Variants in POM121 observed in about 807,000 individuals in gnomAD.
The protein encoded by POM121 is POM121 transmembrane nucleoporin, also known as nuclear envelope pore membrane protein POM 121.
Under a neutral mutation model 81.3 loss-of-function variants are expected in POM121, and 32 were observed. That is an observed-to-expected ratio of 0.39 (90% confidence interval 0.30 to 0.53). The LOEUF (loss-of-function observed/expected upper bound fraction) is 0.53, where lower values mean the gene tolerates loss of function less well. Among genes scored for constraint, POM121 ranks in the 20% least tolerant of loss-of-function variants. The pLI is 0.66. For missense variants in POM121, 1,138 were observed against 1,614.6 expected (o/e 0.70, Z 5.06); for synonymous variants, 514 against 694.2 (o/e 0.74, Z 4.08).
At chr7:72,926,553 A>G (rs1554497541) in intron 2 of POM121, 76 bp downstream of exon 2, 1 of 1,592,966 alleles carries the variant, frequency 6.3e-7, no homozygotes, top group African/African-American at 1.3e-5. Flanking sequence ...CTATGACATG[A>G]CTACAACGCA....
Position 72,942,259 on chromosome 7 carries a change from T to C in POM121, c.2266T>C (p.Ser756Pro), listed in dbSNP as rs1554501393. 2 of 1,607,872 alleles carry C rather than the reference T, an allele frequency of 1.2e-6. No individual in the cohort carries two copies. The highest frequency in any genetic ancestry group is 2.2e-5 in the South Asian group (2 of 90,926). ...CCCTTCAGTCACAGCCACAGCGCCC[T>C]CCAGCTCCTCCCTCCCCACGACCAC... Reference protein sequence around the residue: ...PGPSVTATAPSSSSLPTTTST... With the variant: ...PGPSVTATAPPSSSLPTTTST... Residue 756 changes from serine (S) to proline (P), a missense_variant, in exon 11 of 13, where the codon TCC (serine) becomes CCC (proline). This residue lies in a region of POM121 where 37 missense variants were observed against 62.8 expected (regional missense o/e 0.59). Transcript: ENST00000434423.
chr7:72,895,945 C>T (rs1231757369), intron 3 of POM121, among the ~76,000 whole-genome samples: 1 of 151,102 alleles, frequency 6.6e-6, no homozygotes, highest in Non-Finnish European at 1.5e-5. Flanking sequence ...TTTACCTGCT[C>T]AAAAACTTTC....
chr7:72,917,930 G>A (rs1467854608), intron 4 of POM121, among the ~76,000 whole-genome samples: 1 of 152,214 alleles, frequency 6.6e-6, no homozygotes, highest in Admixed American at 6.5e-5. Flanking sequence ...TGGGTCACAT[G>A]TCCACTGGAC....
intron 5 of POM121, among the ~76,000 whole-genome samples, chr7:72,933,218 G>A (rs1796193546): frequency 6.6e-6 from 1 of 152,152 alleles, no homozygotes; most frequent in Non-Finnish European, 1.5e-5. Flanking sequence ...GCCAGGCGTG[G>A]TCGTGTGTGC....
rs782280095 is a variant in POM121, at chr7:72,942,778, G to A, written c.2785G>A (p.Ala929Thr). 1.2e-5 allele frequency: 16 copies of A among 1,389,932 alleles called. No individual in the cohort carries two copies. The highest frequency in any genetic ancestry group is 5.3e-5 in the Admixed American group (2 of 37,472). The allele number at this position is 1,389,932 out of a possible 1,614,324, so 86.1% of individuals were successfully genotyped here. ...SGFGSTLATS[A>T]PATSSQPTLT... ...TTTTGGCAGCACCCTCGCCACCTCCGCCCCGGCCACCAGCAGCCAGCCCAC... is the reference window on the plus strand; with the variant it reads ...TTTTGGCAGCACCCTCGCCACCTCCACCCCGGCCACCAGCAGCCAGCCCAC... Residue 929 changes from alanine (A) to threonine (T), a missense_variant, in exon 11 of 13, where the codon GCC becomes ACC. By Grantham distance (58) the Ala-to-Thr change is moderately conservative (BLOSUM62 0). Coordinates refer to ENST00000434423, the MANE Select transcript of POM121 (RefSeq NM_001387691.1).
Position 72,926,764 on chromosome 7 carries a change from A to G in POM121, c.861-38A>G, listed in dbSNP as rs573288391. The G allele has an allele frequency of 2.1e-5, 33 of 1,604,946 alleles. No individual in the cohort carries two copies. In the Admixed American group the frequency reaches 4.1e-4, roughly 20 times the overall value. On this transcript the variant is annotated intron_variant, in intron 2 of 12. Transcript: ENST00000434423. ...GTCTGTGCTATATGGCATGGGAATTAAAATATCTTACAGCTAGAATCTTGT... is the reference window on the plus strand; with the variant it reads ...GTCTGTGCTATATGGCATGGGAATTGAAATATCTTACAGCTAGAATCTTGT...
chr7:72,891,181 T>C, intron 3 of POM121: 2 of 621,818 alleles, frequency 3.2e-6, no homozygotes, highest in Non-Finnish European at 5.8e-6. Context: ...AAGAGTTGTT[T>C]ATATGTATTC....
At chr7:72,898,573 G>T (rs534058782) in intron 3 of POM121, among the ~76,000 whole-genome samples, 24 of 152,278 alleles carry the variant, frequency 1.6e-4, no homozygotes, top group Non-Finnish European at 2.5e-4. Context: ...AAGGTGGGTG[G>T]ATCACCTGCG....
chr7:72,948,798 C>T (rs782092053), downstream of POM121: 34 of 1,558,264 alleles, frequency 2.2e-5, no homozygotes, highest in Admixed American at 3.3e-4. Context: ...GCAGGCAGGG[C>T]GGGAGCTAGC....
intron 1 of POM121, among the ~76,000 whole-genome samples, chr7:72,884,366 G>T (rs1333055071): frequency 1.5e-4 from 23 of 151,900 alleles, no homozygotes; most frequent in African/African-American, 5.3e-4. Context: ...TCAGTACATA[G>T]AAGTTGTGAT....
chr7:72,943,000 C>T lies in POM121; in HGVS notation c.3007C>T (p.Pro1003Ser). 6.2e-7 allele frequency: 1 copy of T among 1,613,460 alleles called. No individual in the cohort carries two copies. The highest frequency in any genetic ancestry group is 8.5e-7 in the Non-Finnish European group (1 of 1,179,762). Residue 1003 changes from proline to serine, a missense_variant, in exon 11 of 13, where the codon CCG becomes TCG. By Grantham distance (74) the Pro-to-Ser change is moderately conservative. Coordinates refer to ENST00000434423, the MANE Select transcript of POM121 (RefSeq NM_001387691.1). The stretch of plus-strand genomic sequence containing the variant: ...TTTCACTTTTGGAAACTCTGCAGCC[C>T]CGGCTGCTGCACCCACACCTGCACC... ...SSFTFGNSAA[P>S]AAAPTPAPPS...
chr7:72,928,447 C>T lies in POM121; in HGVS notation c.1085C>T (p.Pro362Leu). The T allele has an allele frequency of 6.2e-7, 1 of 1,614,224 alleles. No homozygotes were observed. The highest frequency in any genetic ancestry group is 1.1e-5 in the South Asian group (1 of 91,084). Residue 362 changes from proline to leucine, a missense_variant, in exon 4 of 13, where the codon CCC becomes CTC. Coordinates refer to ENST00000434423, the MANE Select transcript of POM121 (RefSeq NM_001387691.1). Reference protein sequence around the residue: ...AFEPLVANGVPASFVPKPGSL... With the variant: ...AFEPLVANGVLASFVPKPGSL... Reference sequence around the variant, plus strand: ...GAGCCCCTGGTGGCCAATGGAGTCCCCGCTTCTTTTGTGCCTAAGTAAGTG... The same window carrying T: ...GAGCCCCTGGTGGCCAATGGAGTCCTCGCTTCTTTTGTGCCTAAGTAAGTG...
At chr7:72,938,554 A>G (rs782044687) in intron 5 of POM121, 36 bp from the exon 6 acceptor site, 76 of 1,597,038 alleles carry the variant, frequency 4.8e-5, no homozygotes, top group Non-Finnish European at 6.0e-5. Flanking sequence ...ATGCTAAGTT[A>G]TCAGCAGGCT....
At chr7:72,883,633 T>C (rs137964837) in intron 1 of POM121, among the ~76,000 whole-genome samples, 298 of 152,030 alleles carry the variant, frequency 2.0e-3, no homozygotes, top group African/African-American at 6.9e-3. Flanking sequence ...GTTTCACCTT[T>C]AGCACATTTT....
chr7:72,912,252 C>T (rs537980815), intron 3 of POM121, among the ~76,000 whole-genome samples: 21 of 152,306 alleles, frequency 1.4e-4, no homozygotes, highest in African/African-American at 4.8e-4. Flanking sequence ...TCGCCACGCA[C>T]CATATCCTAT....
chr7:72,941,588 C>T (rs1797072025), intron 10 of POM121, among the ~76,000 whole-genome samples: 1 of 150,854 alleles, frequency 6.6e-6, no homozygotes, highest in South Asian at 2.1e-4. Context: ...GACAATTGGA[C>T]TGTCTTAGTC....
At chr7:72,938,050 T>C (rs1554499826) in intron 5 of POM121, among the ~76,000 whole-genome samples, 2 of 152,208 alleles carry the variant, frequency 1.3e-5, no homozygotes, top group African/African-American at 2.4e-5. Flanking sequence ...GTGTCCTGGC[T>C]CTTCATTACT....
chr7:72,930,155 C>T (rs781982338), intron 5 of POM121, 44 bp downstream of exon 5: 5 of 1,566,946 alleles, frequency 3.2e-6, no homozygotes, highest in East Asian at 2.3e-5. Flanking sequence ...GAATTCCCAG[C>T]GTTCATTCAT....
chr7:72,899,305 C>A (rs1792326573), intron 3 of POM121, among the ~76,000 whole-genome samples: 1 of 151,842 alleles, frequency 6.6e-6, no homozygotes, highest in Non-Finnish European at 1.5e-5. Flanking sequence ...GTTTCTGATA[C>A]CCGCAGCACA....
Sources: allele counts gnomAD v4.1 joint callset (sites outside exome capture counted in the v4.1 genomes callset), GRCh38; gene constraint gnomAD v4.1.1; regional missense constraint gnomAD v4.1.1; transcripts MANE v1.5; gene names NCBI Gene and HGNC (gene_info 2026-07-23, HGNC 2026-07-21).